ARV1: variants seen among roughly 807,000 people sequenced by gnomAD.
ARV1 encodes ARV1 fatty acid homeostasis modulator.
ARV1 carries 26 observed loss-of-function variants against 31.1 expected under a neutral mutation model. The ratio of observed to expected loss-of-function variants is 0.84; its 90% confidence interval spans 0.61 to 1.16. ARV1 has a LOEUF of 1.16. ARV1 is among the 50% of genes most tolerant of loss of function. The pLI is 0.00. For missense variants in ARV1, 281 were observed against 324.9 expected, an observed-to-expected ratio of 0.86 and a Z score of 1.04; for synonymous variants, 117 against 123.2, an observed-to-expected ratio of 0.95 and a Z score of 0.34.
intron 1 of ARV1, 132 bp from the exon 2 acceptor site, chr1:230,988,188 A>C: frequency 1.4e-6 from 1 of 693,826 alleles, no homozygotes; most frequent in Non-Finnish European, 2.4e-6. Flanking sequence ...TCTGAATGGA[A>C]GTTTATATAA....
intron 1 of ARV1, among the ~76,000 whole-genome samples, chr1:230,981,939 A>G (rs1276873277): frequency 6.6e-6 from 1 of 152,118 alleles, no homozygotes; most frequent in Non-Finnish European, 1.5e-5. Context: ...CCTCCTTCAA[A>G]CATCTCAGAG....
chr1:230,997,389 G>C (rs998854821), intron 5 of ARV1, 122 bp downstream of exon 5: 6 of 1,194,246 alleles, frequency 5.0e-6, no homozygotes, highest in African/African-American at 1.5e-5. Flanking sequence ...ACTGCCTCTA[G>C]GTCACCCTCA....
At chr1:230,984,338 T>TC (rs1678989468) in intron 1 of ARV1, among the ~76,000 whole-genome samples, 1 of 118,502 alleles carries the variant, frequency 8.4e-6, no homozygotes, top group Admixed American at 8.2e-5. Context: ...TACATTTGTT[T>TC]GTTTCGTGTG....
chr1:230,997,831 G>A (rs929562494), intron 5 of ARV1, among the ~76,000 whole-genome samples: 9 of 152,134 alleles, frequency 5.9e-5, no homozygotes, highest in African/African-American at 2.2e-4. Context: ...CTCCTAGAGA[G>A]CCTCGCAGTG....
intron 1 of ARV1, among the ~76,000 whole-genome samples, chr1:230,986,038 C>G (rs1479195826): frequency 6.6e-6 from 1 of 151,968 alleles, no homozygotes; most frequent in African/African-American, 2.4e-5. Context: ...CCTGCCTCAT[C>G]CTGTAGTTGC....
At chr1:230,980,087 A>G (rs540564251) in intron 1 of ARV1, among the ~76,000 whole-genome samples, 109 of 152,248 alleles carry the variant, frequency 7.2e-4, no homozygotes, top group African/African-American at 2.6e-3. Context: ...AGAATTGACA[A>G]ACTGAGTGTA....
At chr1:230,990,906 A>G (rs116397902) in intron 3 of ARV1, among the ~76,000 whole-genome samples, 1,599 of 152,272 alleles carry the variant, frequency 0.011, 20 homozygotes, top group African/African-American at 0.036. Flanking sequence ...TGATTATCCA[A>G]TCTGAAAGTT....
chr1:230,990,093 A>T lies in ARV1; in HGVS notation c.295-17A>T. 1 of 1,587,778 alleles carries T rather than the reference A, an allele frequency of 6.3e-7. No homozygotes were observed. Among genetic ancestry groups the T allele is most frequent in the Non-Finnish European group, 8.5e-7 (1 of 1,170,474 alleles). On this transcript the variant is annotated splice_polypyrimidine_tract_variant and intron_variant, in intron 2 of 5. Coordinates refer to ENST00000310256, the MANE Select transcript of ARV1 (RefSeq NM_022786.3). ...GGTTTCCTTACCTAATTGAATGGCA[A>T]TGTCTTTGACTATCAGATCCATGGA...
intron 1 of ARV1, among the ~76,000 whole-genome samples, chr1:230,986,802 G>A (rs534127325): frequency 1.4e-5 from 2 of 147,218 alleles, no homozygotes; most frequent in African/African-American, 5.0e-5. Flanking sequence ...CTCCCAAAGT[G>A]CTGGTATCAC....
intron 4 of ARV1, 126 bp from the exon 5 acceptor site, chr1:230,996,995 G>A (rs1338587581): frequency 1.7e-6 from 2 of 1,184,886 alleles, no homozygotes; most frequent in Non-Finnish European, 2.4e-6. Flanking sequence ...TAACAGCATA[G>A]ATTAATAAGA....
rs540823112 is a variant in ARV1 at position 230,979,365 on chromosome 1, G to A, written c.174+86G>A. The A allele has an allele frequency of 2.1e-4, 303 of 1,476,732 alleles. 8 individuals are homozygous for A. The South Asian group carries it at 3.4e-3, about 17-fold the overall frequency. 91.5% of individuals were successfully genotyped at this position (1,476,732 alleles called of 1,614,324 possible). ...GCGAGGAGCAGGGTCCTCTGATACA[G>A]TCTTTAGTTCGGTAGTTGACATTCC... On this transcript the variant is annotated intron_variant, in intron 1 of 5. Transcript: ENST00000310256.
At chr1:230,996,255 A>G (rs1679363595) in intron 4 of ARV1, among the ~76,000 whole-genome samples, 1 of 152,082 alleles carries the variant, frequency 6.6e-6, no homozygotes, top group African/African-American at 2.4e-5. Context: ...ATTTGATTTT[A>G]TGAATGAGCT....
chr1:230,989,921 C>T (rs1041443012), intron 2 of ARV1, among the ~76,000 whole-genome samples, 189 bp from the exon 3 acceptor site: 7 of 152,152 alleles, frequency 4.6e-5, no homozygotes, highest in Admixed American at 6.5e-5. Flanking sequence ...AAAAATCTCC[C>T]CATGTGCTTC....
In ARV1 at chr1:230,988,355, G is replaced by C. The variant is rs756189520; in HGVS notation, c.210G>C (p.Glu70Asp). The change falls in exon 2 of 6, where the codon GAG becomes GAC. Residue 70 changes from glutamate to aspartate, a missense_variant. Transcript: ENST00000310256. The part of the protein sequence containing the change: ...SCQKPVDKYI[E>D]YDPVIILINA... ...AGAAACCTGTAGACAAATATATCGA[G>C]TATGATCCTGTTATCATCTTGATTA... 2 of 1,595,438 alleles carry C rather than the reference G, an allele frequency of 1.3e-6. No homozygotes were observed. The highest frequency in any genetic ancestry group is 8.6e-7 in the Non-Finnish European group (1 of 1,165,224).
At chr1:230,980,609 C>T (rs11803646) in intron 1 of ARV1, among the ~76,000 whole-genome samples, 6,455 of 152,212 alleles carry the variant, frequency 0.042, 381 homozygotes, top group African/African-American at 0.13. Flanking sequence ...GCTGGGGTTA[C>T]AGGCATGAGC....
In ARV1 at chr1:230,995,992, T is replaced by C; in HGVS notation, c.673+8T>C. On this transcript the variant is annotated splice_region_variant and intron_variant, in intron 4 of 5. Coordinates refer to ENST00000310256, the MANE Select transcript of ARV1 (RefSeq NM_022786.3). ...ATTTTCAGGCAATTAGAGGTATGTT[T>C]ATGTGTTTATTCTGCCTTCTCAGTT... is the stretch of plus-strand genomic sequence containing the variant. 6.2e-7 allele frequency: 1 copy of C among 1,604,426 alleles called. No homozygotes were observed. The highest frequency in any genetic ancestry group is 1.1e-5 in the South Asian group (1 of 90,050).
chr1:230,996,899 T>C (rs182338497), intron 4 of ARV1, among the ~76,000 whole-genome samples: 22 of 152,312 alleles, frequency 1.4e-4, no homozygotes, highest in African/African-American at 5.1e-4. Context: ...ATCTGCCGCT[T>C]GATATGAGGA....
chr1:230,988,615 T>A (rs796081965), intron 2 of ARV1, among the ~76,000 whole-genome samples, 176 bp downstream of exon 2: 7 of 152,276 alleles, frequency 4.6e-5, no homozygotes, highest in African/African-American at 1.7e-4. Flanking sequence ...TAGATGTTGA[T>A]TTTGAAAGGT....
intron 1 of ARV1, among the ~76,000 whole-genome samples, chr1:230,980,382 G>A (rs1678840747): frequency 1.3e-5 from 2 of 151,606 alleles, no homozygotes; most frequent in Non-Finnish European, 2.9e-5. Context: ...TGTCACCCAG[G>A]CTGGAGTGCA....
Sources: gnomAD v4.1 joint callset for allele counts (sites outside exome capture counted in the v4.1 genomes callset) on GRCh38, gnomAD v4.1.1 for gene constraint, MANE v1.5 for transcripts, NCBI Gene and HGNC (gene_info 2026-07-23, HGNC 2026-07-21) for gene names.